TBL1X: variants seen among roughly 807,000 people sequenced by gnomAD.
TBL1X encodes the protein F-box-like/WD repeat-containing protein TBL1X.
Under a neutral mutation model 50.7 loss-of-function variants are expected in TBL1X, and 10 were observed. The observed-to-expected ratio is 0.20, with a 90% CI of 0.12 to 0.33. The LOEUF (loss-of-function observed/expected upper bound fraction) is 0.33, where lower values mean the gene tolerates loss of function less well. Ranked by LOEUF, TBL1X falls within the 10% of genes least tolerant of loss-of-function variation. The pLI is 1.00. For missense variants in TBL1X, 340 were observed against 504.4 expected (o/e 0.67, Z 3.12); for synonymous variants, 190 against 214.7 (o/e 0.88, Z 1.01).
chrX:9,497,147 G>A (rs2081974892), intron 1 of TBL1X, among the ~76,000 whole-genome samples: 1 of 111,274 alleles, frequency 9.0e-6, no homozygotes, highest in African/African-American at 3.3e-5. Flanking sequence ...AGTGGCTCAC[G>A]CCTGTAATCC....
intron 1 of TBL1X, among the ~76,000 whole-genome samples, chrX:9,484,607 G>C (rs1336129216): frequency 9.0e-6 from 1 of 111,256 alleles, no homozygotes; most frequent in African/African-American, 3.3e-5. Context: ...CTCTATTGCT[G>C]CGTAGGATTC....
chrX:9,478,479 C>T (rs2081861367), intron 1 of TBL1X, among the ~76,000 whole-genome samples: 1 of 112,104 alleles, frequency 8.9e-6, no homozygotes, highest in African/African-American at 3.2e-5. Flanking sequence ...CATCCCCCAT[C>T]TTGCCTTTCC....
chrX:9,485,718 A>G (rs1416602292), intron 1 of TBL1X, among the ~76,000 whole-genome samples: 1 of 111,031 alleles, frequency 9.0e-6, no homozygotes, highest in Admixed American at 9.6e-5. Context: ...ATAGCTAGTC[A>G]TCAGGCTTGC....
In TBL1X at chrX:9,499,824, A is replaced by C. The variant is rs186219283; in HGVS notation, c.-200-1956A>C. Among the ~76,000 whole-genome samples, 60 of 109,950 alleles carry C rather than the reference A, an allele frequency of 5.5e-4. 1 individual carries two copies. The East Asian group carries it at 0.015, about 28-fold the overall frequency. On this transcript the variant is annotated intron_variant, in intron 1 of 17. Transcript: ENST00000645353. Reference sequence around the variant, plus strand: ...AACCCTGTCTCTACTAAAAATACAAAAATTAGCCGGACGTGGTGGCAGGCA... The same window carrying C: ...AACCCTGTCTCTACTAAAAATACAACAATTAGCCGGACGTGGTGGCAGGCA...
At chrX:9,604,894 T>C (rs774413547) in intron 2 of TBL1X, among the ~76,000 whole-genome samples, 1 of 111,039 alleles carries the variant, frequency 9.0e-6, no homozygotes, top group South Asian at 3.9e-4. Flanking sequence ...CCGTGGAGTC[T>C]TGTGAGGTTT....
At chrX:9,709,472 A>G (rs1481571438) in intron 14 of TBL1X, 150 bp downstream of exon 14, 3 of 966,086 alleles carry the variant, frequency 3.1e-6, no homozygotes, top group Admixed American at 2.7e-5. Context: ...TTTCTCAGTC[A>G]TAGTCCCACT....
chrX:9,519,213 T>C (rs1006392954), intron 2 of TBL1X, among the ~76,000 whole-genome samples: 6 of 111,897 alleles, frequency 5.4e-5, no homozygotes, highest in Non-Finnish European at 1.1e-4. Flanking sequence ...CCATATGGTA[T>C]ACTTCATATA....
chrX:9,478,719 A>G (rs2081863075), intron 1 of TBL1X, among the ~76,000 whole-genome samples: 1 of 112,263 alleles, frequency 8.9e-6, no homozygotes, highest in Admixed American at 9.4e-5. Context: ...AGATAACATC[A>G]CTGTTGTAGA....
intron 5 of TBL1X, among the ~76,000 whole-genome samples, chrX:9,662,702 G>A (rs2082905636): frequency 8.9e-6 from 1 of 112,400 alleles, no homozygotes; most frequent in African/African-American, 3.2e-5. Context: ...ACTTAAAAAT[G>A]GTTAAGATGG....
At chrX:9,629,425 C>T (rs2082709272) in intron 2 of TBL1X, among the ~76,000 whole-genome samples, 1 of 112,284 alleles carries the variant, frequency 8.9e-6, no homozygotes, top group Admixed American at 9.4e-5. Context: ...AACTTTCTCC[C>T]CTTCTGTTGC....
At chrX:9,686,807 A>T (rs142895801) in intron 6 of TBL1X, among the ~76,000 whole-genome samples, 4,992 of 112,413 alleles carry the variant, frequency 0.044, 112 homozygotes, top group South Asian at 0.073. Context: ...GGGTGTGAAC[A>T]TATGAAGGAG....
intron 2 of TBL1X, among the ~76,000 whole-genome samples, chrX:9,575,005 A>C (rs1479181415): frequency 9.0e-6 from 1 of 111,658 alleles, no homozygotes; most frequent in South Asian, 3.8e-4. Context: ...TCACGCTGCT[A>C]TAAGGAACTA....
chrX:9,567,596 G>C (rs1479681886), intron 2 of TBL1X, among the ~76,000 whole-genome samples: 3 of 112,104 alleles, frequency 2.7e-5, no homozygotes, highest in Admixed American at 1.9e-4. Flanking sequence ...GCTGCACCAG[G>C]AGAGTGCCAT....
At position 9,683,171 on chromosome X, in the gene TBL1X, G is replaced by A. The variant is rs971138921; in HGVS notation, c.212-872G>A. 3.6e-5 allele frequency among the ~76,000 whole-genome samples: 4 copies of A among 111,818 alleles called. No individual in the cohort carries two copies. In the Admixed American group the frequency reaches 3.8e-4, roughly 11 times the overall value. On this transcript the variant is annotated intron_variant, in intron 5 of 17. Transcript: ENST00000645353. ...TCTCTCTCCTTGATGAAGGGCTGTCGCAGCTTCCTCATCACCCCCAGACCT... is the reference window on the plus strand; with the variant it reads ...TCTCTCTCCTTGATGAAGGGCTGTCACAGCTTCCTCATCACCCCCAGACCT...
At chrX:9,612,343 G>A (rs2082618000) in intron 2 of TBL1X, among the ~76,000 whole-genome samples, 1 of 111,301 alleles carries the variant, frequency 9.0e-6, no homozygotes, top group African/African-American at 3.3e-5. Context: ...TAGAGCCTGC[G>A]GGCACTGTGG....
chrX:9,536,440 T>A (rs2082188283), intron 2 of TBL1X, among the ~76,000 whole-genome samples: 1 of 109,992 alleles, frequency 9.1e-6, no homozygotes, highest in South Asian at 4.0e-4. Flanking sequence ...TTAGTAGAGA[T>A]GAGGTTTCAC....
At chrX:9,606,769 C>G (rs2082585493) in intron 2 of TBL1X, among the ~76,000 whole-genome samples, 1 of 112,322 alleles carries the variant, frequency 8.9e-6, no homozygotes, top group African/African-American at 3.2e-5. Flanking sequence ...TCCCTGCAAT[C>G]AAATGCAAAC....
chrX:9,610,363 T>A (rs1298532296), intron 2 of TBL1X, among the ~76,000 whole-genome samples: 1 of 112,916 alleles, frequency 8.9e-6, no homozygotes, highest in Non-Finnish European at 1.9e-5. Context: ...TTAATGTTAT[T>A]ATAAATTGGC....
intron 2 of TBL1X, among the ~76,000 whole-genome samples, chrX:9,626,468 T>C (rs748249505): frequency 8.9e-6 from 1 of 112,424 alleles, no homozygotes; most frequent in Non-Finnish European, 1.9e-5. Context: ...TGCAGTGTAC[T>C]GTCCTTCCAT....
Sources: allele counts gnomAD v4.1 joint callset (sites outside exome capture counted in the v4.1 genomes callset), GRCh38; gene constraint gnomAD v4.1.1; transcripts MANE v1.5; gene names NCBI Gene and HGNC (gene_info 2026-07-23, HGNC 2026-07-21).